The following ARL13B variants were observed in gnomAD, a reference collection of about 807,000 sequenced individuals.
ARL13B encodes the protein ARF like GTPase 13B.
Under a neutral mutation model 56.1 loss-of-function variants are expected in ARL13B, and 36 were observed. That is an observed-to-expected ratio of 0.64 (90% CI 0.49 to 0.85). The LOEUF is 0.85. Ranked by LOEUF, ARL13B falls within the 40% of genes least tolerant of loss-of-function variation. The probability of loss-of-function intolerance (pLI) is 0.00; values close to 1 mark genes in which losing one functional copy is unlikely to be tolerated. For synonymous variants in ARL13B, 178 were observed against 171.1 expected (o/e 1.04, Z -0.32); for missense variants, 519 against 507.1 (o/e 1.02, Z -0.23).
At position 94,003,728 on chromosome 3, in the gene ARL13B, T is replaced by G; in HGVS notation, c.200T>G (p.Val67Gly). ...AACCTTAGACAAGGAAAGTTTGAAG[T>G]CACCATCTTTGACTTGGGAGGTGGA... ...KINLRQGKFE[V>G]TIFDLGGGIR... Residue 67 changes from valine to glycine, a missense_variant, in exon 3 of 10, where the codon GTC (valine) becomes GGC (glycine). Transcript: ENST00000394222. 4 of 1,613,706 alleles carry G rather than the reference T, an allele frequency of 2.5e-6. No individual in the cohort carries two copies. Among genetic ancestry groups the G allele is most frequent in the Non-Finnish European group, 3.4e-6 (4 of 1,179,710 alleles).
At position 94,020,936 on chromosome 3, in the gene ARL13B, C is replaced by T. The variant is rs181540256; in HGVS notation, c.381-14395C>T. On this transcript the variant is annotated intron_variant, in intron 3 of 9. Coordinates refer to ENST00000394222, the MANE Select transcript of ARL13B (RefSeq NM_001174150.2). ...GGAAGGAGATTCCATACGCCTCTTCCTCTGCATATTTTTATTGTCTATATT... is the reference window on the plus strand; with the variant it reads ...GGAAGGAGATTCCATACGCCTCTTCTTCTGCATATTTTTATTGTCTATATT... Among the ~76,000 whole-genome samples the T allele has an allele frequency of 1.4e-3, 206 of 152,110 alleles. 1 individual carries two copies. Among genetic ancestry groups the T allele is most frequent in the Admixed American group, 2.9e-3 (44 of 15,280 alleles).
intron 1 of ARL13B, among the ~76,000 whole-genome samples, chr3:93,985,128 T>C (rs1187890296): frequency 1.3e-5 from 2 of 152,258 alleles, no homozygotes; most frequent in Non-Finnish European, 2.9e-5. Flanking sequence ...CATTCACATA[T>C]ACTTTTTTCT....
intron 1 of ARL13B, among the ~76,000 whole-genome samples, chr3:93,995,207 G>A (rs1230968477): frequency 6.6e-6 from 1 of 152,118 alleles, no homozygotes; most frequent in African/African-American, 2.4e-5. Context: ...ATCCCTACGA[G>A]TTAGGTGAAT....
intron 1 of ARL13B, chr3:93,988,538 C>T (rs1357424958): frequency 2.1e-5 from 6 of 289,402 alleles, no homozygotes; most frequent in South Asian, 1.2e-4. Flanking sequence ...TCTAGAGCTA[C>T]TAAAAGACTT....
chr3:93,981,879 A>G (rs1393907400), intron 1 of ARL13B, among the ~76,000 whole-genome samples: 2 of 150,986 alleles, frequency 1.3e-5, no homozygotes. Flanking sequence ...AAAAAAAAAA[A>G]AAAAAAAAAA....
intron 3 of ARL13B, among the ~76,000 whole-genome samples, chr3:94,035,017 C>T (rs1233856174): frequency 6.6e-6 from 1 of 152,098 alleles, no homozygotes; most frequent in East Asian, 1.9e-4. Context: ...TGACAGATCA[C>T]TTGAGGTCAG....
At chr3:93,984,960 A>T (rs1428736144) in intron 1 of ARL13B, among the ~76,000 whole-genome samples, 3 of 152,190 alleles carry the variant, frequency 2.0e-5, no homozygotes, top group Admixed American at 6.5e-5. Context: ...CAGTAAGCCC[A>T]GGTTGCCCCA....
intron 1 of ARL13B, among the ~76,000 whole-genome samples, chr3:93,995,367 T>G (rs948505393): frequency 3.9e-5 from 6 of 152,128 alleles, no homozygotes; most frequent in African/African-American, 1.2e-4. Context: ...TGAGAAATAT[T>G]TTAAACTTTA....
At chr3:94,025,261 A>G (rs2076531330) in intron 3 of ARL13B, among the ~76,000 whole-genome samples, 1 of 151,368 alleles carries the variant, frequency 6.6e-6, no homozygotes, top group Non-Finnish European at 1.5e-5. Context: ...AAAAAACAAA[A>G]TATCCTTTTT....
chr3:94,029,334 A>ATTTTTTTTTTTTTT (rs71105171), intron 3 of ARL13B, among the ~76,000 whole-genome samples: 1 of 53,412 alleles, frequency 1.9e-5, no homozygotes, highest in Non-Finnish European at 3.5e-5. Flanking sequence ...ATATATATAT[A>ATTTTTTTTTTTTTT]TTTATTTTTT....
In ARL13B at chr3:93,995,912, G is replaced by A. The variant is rs1385756421; in HGVS notation, c.98G>A (p.Gly33Asp). Reference sequence around the variant, plus strand: ...TTGATGGTGGGACTTGATAATGCTGGTAAAACCGCAACAGCAAAGGGAATC... The same window carrying A: ...TTGATGGTGGGACTTGATAATGCTGATAAAACCGCAACAGCAAAGGGAATC... ...TLLMVGLDNA[G>D]KTATAKGIQG... Residue 33 changes from glycine to aspartate, a missense_variant, in exon 2 of 10, where the codon GGT becomes GAT. Physicochemically the swap from Gly to Asp is moderately conservative, Grantham distance 94. Transcript: ENST00000394222. 6.2e-7 allele frequency: 1 copy of A among 1,613,330 alleles called. No homozygotes were observed. The highest frequency in any genetic ancestry group is 1.1e-5 in the South Asian group (1 of 90,958).
intron 3 of ARL13B, among the ~76,000 whole-genome samples, chr3:94,016,513 AAT>A (rs1367021870): frequency 6.6e-6 from 1 of 152,198 alleles, no homozygotes; most frequent in Non-Finnish European, 1.5e-5. Context: ...AAATAACAAA[AAT>A]ATATTTAACA....
At chr3:94,014,910 C>T (rs2076297449) in intron 3 of ARL13B, 4 of 1,613,390 alleles carry the variant, frequency 2.5e-6, no homozygotes, top group Non-Finnish European at 3.4e-6. Flanking sequence ...CATTTTCAAC[C>T]TCTGACTTTT....
chr3:94,039,942 C>G lies in ARL13B; in HGVS notation c.752C>G (p.Pro251Arg). The G allele has an allele frequency of 6.2e-7, 1 of 1,614,064 alleles. No homozygotes were observed. The highest frequency in any genetic ancestry group is 1.1e-5 in the South Asian group (1 of 91,058). ...DGTSGLAELD[P>R]EPTNPFQPIA... is the part of the protein sequence containing the mutation. Reference sequence around the variant, plus strand: ...ACCAGTGGTCTGGCTGAGTTGGACCCAGAACCAACGAATCCTTTCCAGCCA... The same window carrying G: ...ACCAGTGGTCTGGCTGAGTTGGACCGAGAACCAACGAATCCTTTCCAGCCA... Residue 251 changes from proline (P) to arginine (R), a missense_variant, in exon 6 of 10, where the codon CCA becomes CGA. Transcript: ENST00000394222.
At chr3:93,985,639 ATGCC>A (rs1411924605) in intron 1 of ARL13B, among the ~76,000 whole-genome samples, 6 of 152,200 alleles carry the variant, frequency 3.9e-5, no homozygotes, top group Non-Finnish European at 5.9e-5. Context: ...TAAGTACCAT[ATGCC>A]TGCCAGGTTT....
At chr3:94,034,187 C>T (rs986747458) in intron 3 of ARL13B, among the ~76,000 whole-genome samples, 5 of 150,514 alleles carry the variant, frequency 3.3e-5, no homozygotes, top group African/African-American at 1.2e-4. Context: ...ATTCAGGCAG[C>T]AAAATAGAAG....
At chr3:93,998,094 T>C (rs745544030) in intron 2 of ARL13B, among the ~76,000 whole-genome samples, 6 of 152,242 alleles carry the variant, frequency 3.9e-5, no homozygotes, top group Non-Finnish European at 5.9e-5. Flanking sequence ...TTAGGAAATA[T>C]TTTTCTTTTA....
At chr3:94,013,008 A>C (rs938665348) in intron 3 of ARL13B, among the ~76,000 whole-genome samples, 5 of 152,144 alleles carry the variant, frequency 3.3e-5, no homozygotes, top group Non-Finnish European at 7.3e-5. Flanking sequence ...AAAACCTTAC[A>C]TCTAGCCCTT....
intron 1 of ARL13B, among the ~76,000 whole-genome samples, chr3:93,991,434 C>A (rs969595069): frequency 6.6e-6 from 1 of 152,146 alleles, no homozygotes; most frequent in African/African-American, 2.4e-5. Flanking sequence ...GGCTTCAGTG[C>A]AGTGGTGCAG....
Sources: gnomAD v4.1 joint callset for allele counts (sites outside exome capture counted in the v4.1 genomes callset) on GRCh38, gnomAD v4.1.1 for gene constraint, MANE v1.5 for transcripts, NCBI Gene and HGNC (gene_info 2026-07-23, HGNC 2026-07-21) for gene names.